The following TENM2 variants were observed in gnomAD, a reference collection of about 807,000 sequenced individuals.
The protein encoded by TENM2 is teneurin transmembrane protein 2, also known as teneurin-2.
A neutral mutation model predicts 245.2 loss-of-function variants in TENM2; 52 were observed. The ratio of observed to expected loss-of-function variants is 0.21; its 90% CI spans 0.17 to 0.27. TENM2 has a LOEUF of 0.27. TENM2 is among the 10% of genes least tolerant of loss of function. The pLI is 1.00. For missense variants in TENM2, 3,046 were observed against 3,666.8 expected, an observed-to-expected ratio of 0.83 and a Z score of 4.37; for synonymous variants, 1,363 against 1,438.9, an observed-to-expected ratio of 0.95 and a Z score of 1.19.
At chr5:167,675,356 G>A (rs1481946791) in intron 2 of TENM2, among the ~76,000 whole-genome samples, 1 of 152,110 alleles carries the variant, frequency 6.6e-6, no homozygotes, top group Non-Finnish European at 1.5e-5. Flanking sequence ...TCTATTTTCA[G>A]ATAACAGTGA....
chr5:168,010,053 C>A (rs1233114669), intron 5 of TENM2, among the ~76,000 whole-genome samples: 1 of 152,180 alleles, frequency 6.6e-6, no homozygotes, highest in Non-Finnish European at 1.5e-5. Context: ...TGCTTCCCTG[C>A]CATGAGAGAT....
the TENM2 span, among the ~76,000 whole-genome samples, chr5:167,257,222 A>G: frequency 6.6e-6 from 1 of 152,104 alleles, no homozygotes; most frequent in Non-Finnish European, 1.5e-5. Context: ...TAGTTACCCT[A>G]CCATAAAATA....
chr5:168,185,985 T>C (rs1429673816), intron 13 of TENM2: 4 of 92,404 alleles, frequency 4.3e-5, no homozygotes, highest in African/African-American at 1.1e-4. Context: ...TATATATATA[T>C]ATATATTTGA....
At position 168,112,923 on chromosome 5, in the gene TENM2, C is replaced by T. The variant is rs1375250371; in HGVS notation, c.1814-5369C>T. 5.3e-5 allele frequency among the ~76,000 whole-genome samples: 8 copies of T among 152,346 alleles called. No individual in the cohort carries two copies. The South Asian group carries it at 8.3e-4, about 16-fold the overall frequency. On this transcript the variant is annotated intron_variant, in intron 9 of 28. Transcript: ENST00000518659. Reference sequence around the variant, plus strand: ...GTGAGTTACTCATCACTATTGCTGACTAACTGGGATATAAGGCAACCAACT... The same window carrying T: ...GTGAGTTACTCATCACTATTGCTGATTAACTGGGATATAAGGCAACCAACT...
intron 2 of TENM2, among the ~76,000 whole-genome samples, chr5:167,695,985 G>C (rs1392825061): frequency 3.3e-5 from 5 of 150,736 alleles, no homozygotes. Flanking sequence ...AGTGAGCCGA[G>C]ATTGCACCAC....
At chr5:167,843,217 C>G (rs1026470477) in intron 2 of TENM2, among the ~76,000 whole-genome samples, 1 of 152,070 alleles carries the variant, frequency 6.6e-6, no homozygotes, top group Non-Finnish European at 1.5e-5. Flanking sequence ...TGGGCTAACT[C>G]GAAATACGTT....
chr5:167,562,549 G>C (rs1197934902), intron 2 of TENM2, among the ~76,000 whole-genome samples: 1 of 152,166 alleles, frequency 6.6e-6, no homozygotes, highest in Admixed American at 6.5e-5. Context: ...AGAGCTGGAG[G>C]CCACGCTGCC....
the TENM2 span, among the ~76,000 whole-genome samples, chr5:167,144,154 T>G: frequency 6.6e-6 from 1 of 151,212 alleles, no homozygotes; most frequent in Non-Finnish European, 1.5e-5. Flanking sequence ...TATTTTTAAT[T>G]TTGAAAAAAA....
chr5:167,089,981 T>C, the TENM2 span, among the ~76,000 whole-genome samples: 2 of 152,170 alleles, frequency 1.3e-5, no homozygotes, highest in East Asian at 1.9e-4. Context: ...TCTTCACTTG[T>C]AGAGGATTGA....
chr5:168,100,468 AGAC>A (rs1793718669), intron 9 of TENM2, among the ~76,000 whole-genome samples: 1 of 152,228 alleles, frequency 6.6e-6, no homozygotes, highest in African/African-American at 2.4e-5. Flanking sequence ...ACAATAGCAA[AGAC>A]TTGGAACCAA....
At chr5:167,072,500 T>C in the TENM2 span, among the ~76,000 whole-genome samples, 1 of 152,244 alleles carries the variant, frequency 6.6e-6, no homozygotes, top group Non-Finnish European at 1.5e-5. Flanking sequence ...AGTTGAGACA[T>C]GTAACCTTGG....
chr5:167,098,798 A>G, the TENM2 span, among the ~76,000 whole-genome samples: 1 of 152,232 alleles, frequency 6.6e-6, no homozygotes, highest in Non-Finnish European at 1.5e-5. Context: ...TTCGCAAACA[A>G]TGCTAAGCAT....
the TENM2 span, among the ~76,000 whole-genome samples, chr5:167,223,409 G>A: frequency 1.3e-5 from 2 of 150,288 alleles, no homozygotes; most frequent in South Asian, 4.2e-4. Context: ...ATCAACTTTT[G>A]TAGCTCCCAC....
chr5:167,298,381 A>G (rs965365640), intron 1 of TENM2, among the ~76,000 whole-genome samples: 1 of 152,216 alleles, frequency 6.6e-6, no homozygotes, highest in African/African-American at 2.4e-5. Flanking sequence ...AGGGGGGCGG[A>G]TCACGAGGTC....
intron 2 of TENM2, among the ~76,000 whole-genome samples, chr5:167,859,374 G>T (rs1771453435): frequency 6.7e-6 from 1 of 149,454 alleles, no homozygotes; most frequent in East Asian, 2.0e-4. Flanking sequence ...GTCCGGGAGG[G>T]AGGTGGGGGG....
intron 5 of TENM2, among the ~76,000 whole-genome samples, chr5:168,045,616 G>A (rs1360479918): frequency 6.6e-6 from 1 of 152,198 alleles, no homozygotes; most frequent in Non-Finnish European, 1.5e-5. Context: ...GGCACCTGCA[G>A]TACCTGCCAG....
At chr5:167,311,746 TA>T (rs1442580788) in intron 1 of TENM2, among the ~76,000 whole-genome samples, 2 of 152,214 alleles carry the variant, frequency 1.3e-5, no homozygotes, top group Non-Finnish European at 2.9e-5. Flanking sequence ...GATATAGGTA[TA>T]AATGTTTGGG....
chr5:167,276,460 A>G, the TENM2 span, among the ~76,000 whole-genome samples: 2 of 151,516 alleles, frequency 1.3e-5, no homozygotes, highest in African/African-American at 4.9e-5. Context: ...CATTCAAATG[A>G]TCTATTTAAT....
intron 7 of TENM2, among the ~76,000 whole-genome samples, chr5:168,081,477 T>A (rs183488722): frequency 7.4e-4 from 112 of 152,324 alleles, no homozygotes; most frequent in African/African-American, 2.3e-3. Context: ...GTCATTATGA[T>A]GTTAGGTGGT....
Sources: allele counts gnomAD v4.1 joint callset (sites outside exome capture counted in the v4.1 genomes callset), GRCh38; gene constraint gnomAD v4.1.1; transcripts MANE v1.5; gene names NCBI Gene and HGNC (gene_info 2026-07-23, HGNC 2026-07-21).